Variants in FAT3 observed in about 807,000 individuals in gnomAD.
FAT3 encodes the protein protocadherin Fat 3.
FAT3 carries 95 observed loss-of-function variants against 310.2 expected under a neutral mutation model. The observed-to-expected ratio is 0.31, with a 90% confidence interval of 0.26 to 0.36. The LOEUF (loss-of-function observed/expected upper bound fraction) is 0.36, where lower values mean the gene tolerates loss of function less well. Ranked by LOEUF, FAT3 falls within the 10% of genes least tolerant of loss-of-function variation. FAT3 has a pLI of 1.00. For synonymous variants in FAT3, 2,314 were observed against 2,192.9 expected, an observed-to-expected ratio of 1.06 and a Z score of -1.54; for missense variants, 5,408 against 5,715.6, an observed-to-expected ratio of 0.95 and a Z score of 1.74.
intron 20 of FAT3, 63 bp downstream of exon 20, chr11:92,857,411 T>C (rs1236206853): frequency 1.2e-6 from 2 of 1,601,628 alleles, no homozygotes; most frequent in Admixed American, 1.7e-5. Context: ...TGCCCTTGAG[T>C]AAATTACACC....
At chr11:92,560,801 A>G (rs959379354) in intron 3 of FAT3, among the ~76,000 whole-genome samples, 1 of 152,118 alleles carries the variant, frequency 6.6e-6, no homozygotes, top group Admixed American at 6.6e-5. Context: ...GTTGTTATTC[A>G]TTGGTCAGTT....
At chr11:92,378,191 A>T (rs892140820) in intron 2 of FAT3, among the ~76,000 whole-genome samples, 1 of 152,224 alleles carries the variant, frequency 6.6e-6, no homozygotes, top group South Asian at 2.1e-4. Flanking sequence ...AATAGAGCCA[A>T]CAACCACAGA....
At chr11:92,435,490 C>T (rs1453355068) in intron 2 of FAT3, among the ~76,000 whole-genome samples, 3 of 147,392 alleles carry the variant, frequency 2.0e-5, no homozygotes, top group Non-Finnish European at 4.5e-5. Context: ...TTCCTTCCTT[C>T]CTTCCTTCCT....
chr11:92,227,862 T>A (rs976499420), intron 1 of FAT3, among the ~76,000 whole-genome samples: 12 of 150,522 alleles, frequency 8.0e-5, no homozygotes, highest in Non-Finnish European at 1.5e-4. Flanking sequence ...AAAAGCATAA[T>A]AACTTTAGCA....
At chr11:92,229,987 C>G (rs182281595) in intron 1 of FAT3, among the ~76,000 whole-genome samples, 5 of 152,084 alleles carry the variant, frequency 3.3e-5, no homozygotes, top group Admixed American at 3.3e-4. Context: ...TGAGGAGGGC[C>G]ACAGCATTGT....
intron 3 of FAT3, among the ~76,000 whole-genome samples, chr11:92,611,827 C>T (rs1368561020): frequency 1.3e-5 from 2 of 152,188 alleles, no homozygotes; most frequent in Non-Finnish European, 2.9e-5. Context: ...AACATCTATA[C>T]AACTTATAAG....
chr11:92,422,113 C>T (rs142098424), intron 2 of FAT3, among the ~76,000 whole-genome samples: 29 of 152,280 alleles, frequency 1.9e-4, no homozygotes, highest in African/African-American at 5.8e-4. Context: ...ATCAGGGAGA[C>T]GCACATGTCT....
At position 92,880,873 on chromosome 11, in the gene FAT3, C is replaced by T. The variant is rs1460868515; in HGVS notation, c.12270C>T (p.Leu4090=). ...TCATCTGCAATTGTAAAGCTGGGCT[C>T]ACTGGAGTCACGTAAGTGAGATTAC... The part of the protein sequence containing the change: ...NTFICNCKAG[L]TGVTCEEDIN... Residue 4090 remains leucine (L), a synonymous_variant, in exon 23 of 28, where the codon CTC becomes CTT. Coordinates refer to ENST00000525166, the MANE Select transcript of FAT3 (RefSeq NM_001367949.2). 5.6e-6 allele frequency: 9 copies of T among 1,613,634 alleles called. No individual in the cohort carries two copies. The highest frequency in any genetic ancestry group is 3.3e-5 in the Admixed American group (2 of 59,988).
At chr11:92,335,479 A>T (rs1317260950) in intron 1 of FAT3, among the ~76,000 whole-genome samples, 1 of 152,182 alleles carries the variant, frequency 6.6e-6, no homozygotes, top group Non-Finnish European at 1.5e-5. Context: ...ACTCCCTCCC[A>T]CTTCCATTCC....
chr11:92,598,529 G>A (rs1314605842), intron 3 of FAT3, among the ~76,000 whole-genome samples: 1 of 152,100 alleles, frequency 6.6e-6, no homozygotes, highest in Non-Finnish European at 1.5e-5. Flanking sequence ...AGTTTTGAAG[G>A]TATCATTTGA....
intron 3 of FAT3, among the ~76,000 whole-genome samples, chr11:92,536,001 A>G (rs1404118832): frequency 6.6e-6 from 1 of 152,184 alleles, no homozygotes. Context: ...AATAGTTTCT[A>G]TAGTTTGAAC....
chr11:92,298,937 A>G (rs1363797045), intron 1 of FAT3, among the ~76,000 whole-genome samples: 1 of 152,022 alleles, frequency 6.6e-6, no homozygotes, highest in African/African-American at 2.4e-5. Context: ...GAAGTTCAGA[A>G]CACTTATCTA....
intron 1 of FAT3, among the ~76,000 whole-genome samples, chr11:92,340,157 C>T (rs1167849139): frequency 1.4e-5 from 2 of 147,702 alleles, no homozygotes; most frequent in East Asian, 2.0e-4. Context: ...TTTGGCGGAA[C>T]CTTTTCAGCC....
At chr11:92,337,710 C>T (rs1948126299) in intron 1 of FAT3, among the ~76,000 whole-genome samples, 1 of 152,234 alleles carries the variant, frequency 6.6e-6, no homozygotes, top group Non-Finnish European at 1.5e-5. Flanking sequence ...GGATTACAGG[C>T]GTAAGCCACC....
chr11:92,552,499 T>G (rs1954853888), intron 3 of FAT3, among the ~76,000 whole-genome samples: 1 of 152,300 alleles, frequency 6.6e-6, no homozygotes, highest in East Asian at 1.9e-4. Flanking sequence ...AGAACTTATA[T>G]TTACTATTGC....
Position 92,840,611 on chromosome 11 carries a change from G to A in FAT3, c.10418G>A (p.Arg3473Lys), listed in dbSNP as rs922578587. 1.2e-6 allele frequency: 2 copies of A among 1,610,640 alleles called. No homozygotes were observed. The highest frequency in any genetic ancestry group is 1.7e-6 in the Non-Finnish European group (2 of 1,177,044). Residue 3473 changes from arginine (R) to lysine (K), a missense_variant, in exon 18 of 28, where the codon AGA (arginine) becomes AAA (lysine). Around this residue, in one of 5 missense-constraint regions of FAT3, gnomAD observed 4,588 missense variants for 4,809.8 expected, o/e 0.95. Coordinates refer to ENST00000525166, the MANE Select transcript of FAT3 (RefSeq NM_001367949.2). ...ATCTTGCAGCTGGTGGTGACAGACAGAGACTCCTTTCACAATGGGCCTCCC... is the reference window on the plus strand; with the variant it reads ...ATCTTGCAGCTGGTGGTGACAGACAAAGACTCCTTTCACAATGGGCCTCCC... ...TSILQLVVTD[R>K]DSFHNGPPFS... is the part of the protein sequence containing the mutation.
chr11:92,232,266 T>TAA (rs887573330), intron 1 of FAT3, among the ~76,000 whole-genome samples: 1 of 148,928 alleles, frequency 6.7e-6, no homozygotes, highest in African/African-American at 2.5e-5. Flanking sequence ...ACTTTCCACT[T>TAA]AAAAAAAAAA....
chr11:92,600,168 G>A (rs1376625031), intron 3 of FAT3, among the ~76,000 whole-genome samples: 1 of 152,136 alleles, frequency 6.6e-6, no homozygotes, highest in Non-Finnish European at 1.5e-5. Context: ...ACTGTAGTCA[G>A]AACCTGCTTC....
At chr11:92,882,348 C>T (rs1270068322) in intron 23 of FAT3, among the ~76,000 whole-genome samples, 2 of 152,180 alleles carry the variant, frequency 1.3e-5, no homozygotes, top group African/African-American at 2.4e-5. Flanking sequence ...TAAAACTGCA[C>T]AATTTTAAAT....
Sources: allele counts gnomAD v4.1 joint callset (sites outside exome capture counted in the v4.1 genomes callset), GRCh38; gene constraint gnomAD v4.1.1; regional missense constraint gnomAD v4.1.1; transcripts MANE v1.5; gene names NCBI Gene and HGNC (gene_info 2026-07-23, HGNC 2026-07-21).